Variants in ZNF131 observed in about 807,000 individuals in gnomAD.
The protein encoded by ZNF131 is zinc finger protein 131.
A neutral mutation model predicts 60.0 loss-of-function variants in ZNF131; 7 were observed. That is an observed-to-expected ratio of 0.12 (90% CI 0.07 to 0.22). ZNF131 has a LOEUF of 0.22. Among genes scored for constraint, ZNF131 ranks in the 10% least tolerant of loss-of-function variants. The probability of loss-of-function intolerance (pLI) is 1.00; values close to 1 mark genes in which losing one functional copy is unlikely to be tolerated. For missense variants in ZNF131, 493 were observed against 740.9 expected (o/e 0.67, Z 3.88); for synonymous variants, 257 against 253.2 (o/e 1.01, Z -0.14).
At chr5:43,134,917 C>T (rs1322695946) in intron 3 of ZNF131, among the ~76,000 whole-genome samples, 9 of 151,620 alleles carry the variant, frequency 5.9e-5, no homozygotes, top group Admixed American at 1.3e-4. Context: ...AGGCTGGTCT[C>T]GAACTTCTGA....
chr5:43,136,650 C>CT (rs139991070), intron 3 of ZNF131, among the ~76,000 whole-genome samples: 36,648 of 122,342 alleles, frequency 0.3, 6,325 homozygotes, highest in East Asian at 0.61. Context: ...TTTTCTTTTT[C>CT]TTTTTTTTTT....
chr5:43,134,040 A>T (rs372443043), intron 3 of ZNF131, among the ~76,000 whole-genome samples: 1 of 152,184 alleles, frequency 6.6e-6, no homozygotes, highest in Non-Finnish European at 1.5e-5. Flanking sequence ...GTAGGCCAGC[A>T]TTACCCCAGT....
intron 6 of ZNF131, 34 bp from the exon 7 acceptor site, chr5:43,174,413 A>C (rs1751354796): frequency 4.0e-6 from 6 of 1,482,922 alleles, no homozygotes; most frequent in Non-Finnish European, 4.5e-6. Context: ...TTTGGATATA[A>C]GTATTGTCTA....
intron 4 of ZNF131, among the ~76,000 whole-genome samples, chr5:43,156,132 A>G (rs952050994): frequency 1.3e-5 from 2 of 152,162 alleles, no homozygotes; most frequent in Non-Finnish European, 2.9e-5. Flanking sequence ...CTATACATTC[A>G]CATGTTGAAG....
Position 43,121,907 on chromosome 5 carries a change from T to C in ZNF131, c.-15-132T>C, listed in dbSNP as rs1336103632. 4 of 1,027,662 alleles carry C rather than the reference T, an allele frequency of 3.9e-6. No homozygotes were observed. In the African/African-American group the frequency reaches 6.7e-5, roughly 17 times the overall value. The allele number at this position is 1,027,662 out of a possible 1,614,324, so 63.7% of individuals were successfully genotyped here. A position where few individuals can be genotyped will look rare whatever the true frequency, so the allele number is the denominator to read the frequency against. ...TCGGCTCGCCTTTCTTCCCTCGCCTTTCTCTCCTCTTGCTTCACCCTCCCC... is the reference window on the plus strand; with the variant it reads ...TCGGCTCGCCTTTCTTCCCTCGCCTCTCTCTCCTCTTGCTTCACCCTCCCC... On this transcript the variant is annotated intron_variant, in intron 1 of 6. Coordinates refer to ENST00000682664, the MANE Select transcript of ZNF131 (RefSeq NM_001330707.2).
intron 5 of ZNF131, among the ~76,000 whole-genome samples, chr5:43,169,021 A>T (rs145046793): frequency 6.6e-6 from 1 of 152,348 alleles, no homozygotes; most frequent in East Asian, 1.9e-4. Flanking sequence ...GTCAAAGAGA[A>T]CCTAGAGGTA....
In ZNF131 at chr5:43,141,114, C is replaced by T. The variant is rs1019908111; in HGVS notation, c.371+1805C>T. Among the ~76,000 whole-genome samples the T allele has an allele frequency of 6.6e-5, 10 of 152,016 alleles. No homozygotes were observed. The South Asian group carries it at 1.9e-3, about 28-fold the overall frequency. On this transcript the variant is annotated intron_variant, in intron 4 of 6. Coordinates refer to ENST00000682664, the MANE Select transcript of ZNF131 (RefSeq NM_001330707.2). ...AATATCATCTCTTAGTTTGACAGTT[C>T]AAGATTAAACCTTTCTGACAAGAGC...
chr5:43,165,075 T>G (rs538294126), intron 5 of ZNF131, among the ~76,000 whole-genome samples: 1 of 152,336 alleles, frequency 6.6e-6, no homozygotes, highest in South Asian at 2.1e-4. Flanking sequence ...CTCAGCTTCC[T>G]GAGTAGCTGG....
intron 4 of ZNF131, among the ~76,000 whole-genome samples, chr5:43,156,965 A>G (rs887641699): frequency 1.3e-5 from 2 of 149,874 alleles, no homozygotes; most frequent in Non-Finnish European, 3.0e-5. Context: ...AAGGTTAGGG[A>G]GCTTTTCAGC....
At chr5:43,165,833 A>C (rs1750278766) in intron 5 of ZNF131, among the ~76,000 whole-genome samples, 2 of 152,244 alleles carry the variant, frequency 1.3e-5, no homozygotes, top group Non-Finnish European at 2.9e-5. Context: ...CCTAGATGGC[A>C]TCTTCCAGTA....
At chr5:43,127,074 T>C (rs1448543103) in intron 3 of ZNF131, among the ~76,000 whole-genome samples, 1 of 152,170 alleles carries the variant, frequency 6.6e-6, no homozygotes, top group East Asian at 1.9e-4. Flanking sequence ...AAATTACTTT[T>C]CAGAGTCCTT....
intron 5 of ZNF131, among the ~76,000 whole-genome samples, chr5:43,168,290 G>A (rs1363945726): frequency 6.6e-6 from 1 of 152,210 alleles, no homozygotes; most frequent in Non-Finnish European, 1.5e-5. Context: ...ATTACCCTTT[G>A]ATGACTCAGA....
intron 3 of ZNF131, among the ~76,000 whole-genome samples, chr5:43,127,284 G>T (rs549326159): frequency 6.6e-6 from 1 of 152,158 alleles, no homozygotes; most frequent in Non-Finnish European, 1.5e-5. Flanking sequence ...TGCCCAGGTT[G>T]TATCTCCAGA....
chr5:43,152,128 C>T (rs940880456), intron 4 of ZNF131, among the ~76,000 whole-genome samples: 4 of 151,982 alleles, frequency 2.6e-5, no homozygotes, highest in South Asian at 4.1e-4. Context: ...TCAGATTCCC[C>T]GGTAGCTGGG....
intron 5 of ZNF131, among the ~76,000 whole-genome samples, chr5:43,168,320 C>T (rs971751881): frequency 6.6e-6 from 1 of 152,098 alleles, no homozygotes; most frequent in African/African-American, 2.4e-5. Flanking sequence ...GAGTTAGCCT[C>T]GAAACAGGTA....
Position 43,174,760 on chromosome 5 carries a change from C to T in ZNF131, c.1499C>T (p.Pro500Leu). ...SAQVTVEQVHPDLLQDSQVHD... is the reference protein window; with the variant it reads ...SAQVTVEQVHLDLLQDSQVHD... ...CAAGTGACTGTGGAACAAGTCCATC[C>T]AGATCTGCTCCAGGACAGCCAGGTG... The change falls in exon 7 of 7, where the codon CCA becomes CTA. Residue 500 changes from proline (P) to leucine (L), a missense_variant. Around this residue, in one of 7 missense-constraint regions of ZNF131, gnomAD observed 202 missense variants for 221.3 expected, o/e 0.91. Coordinates refer to ENST00000682664, the MANE Select transcript of ZNF131 (RefSeq NM_001330707.2). 1 of 1,614,082 alleles carries T rather than the reference C, an allele frequency of 6.2e-7. No individual in the cohort carries two copies. Among genetic ancestry groups the T allele is most frequent in the Non-Finnish European group, 8.5e-7 (1 of 1,180,002 alleles).
chr5:43,136,854 T>TTA (rs140954877), intron 3 of ZNF131, among the ~76,000 whole-genome samples: 137 of 152,074 alleles, frequency 9.0e-4, no homozygotes, highest in Middle Eastern at 3.4e-3. Context: ...TGGGACTAGC[T>TTA]TAAAGAGACA....
At chr5:43,144,233 CTTTCTTTTTTTT>C (rs1348428695) in intron 4 of ZNF131, among the ~76,000 whole-genome samples, 4 of 82,432 alleles carry the variant, frequency 4.9e-5, no homozygotes, top group Non-Finnish European at 7.4e-5. Flanking sequence ...TTTTTTCTTT[CTTTCTTTTTTTT>C]TTTTTTTTTT....
At chr5:43,146,763 G>A (rs930915272) in intron 4 of ZNF131, among the ~76,000 whole-genome samples, 3 of 152,080 alleles carry the variant, frequency 2.0e-5, no homozygotes, top group Non-Finnish European at 2.9e-5. Flanking sequence ...AAAATTAGCC[G>A]GACATGGTGG....
Sources: allele counts gnomAD v4.1 joint callset (sites outside exome capture counted in the v4.1 genomes callset), GRCh38; gene constraint gnomAD v4.1.1; regional missense constraint gnomAD v4.1.1; transcripts MANE v1.5; gene names NCBI Gene and HGNC (gene_info 2026-07-23, HGNC 2026-07-21).